MROH2B: variants seen among roughly 807,000 people sequenced by gnomAD.
The protein encoded by MROH2B is maestro heat like repeat family member 2B.
A neutral mutation model predicts 208.6 loss-of-function variants in MROH2B; 177 were observed. The ratio of observed to expected loss-of-function variants is 0.85; its 90% CI spans 0.75 to 0.96. The LOEUF (loss-of-function observed/expected upper bound fraction) is 0.96, where lower values mean the gene tolerates loss of function less well. Among genes scored for constraint, MROH2B ranks in the 40% least tolerant of loss-of-function variants. MROH2B has a pLI of 0.00. For missense variants in MROH2B, 2,002 were observed against 1,878.7 expected (o/e 1.07, Z -1.21); for synonymous variants, 728 against 659.0 (o/e 1.10, Z -1.60).
intron 24 of MROH2B, among the ~76,000 whole-genome samples, chr5:41,020,516 G>A (rs1424585283): frequency 6.6e-6 from 1 of 152,154 alleles, no homozygotes; most frequent in African/African-American, 2.4e-5. Flanking sequence ...CTGAAACTCT[G>A]TCAGGGGAGG....
intron 21 of MROH2B, among the ~76,000 whole-genome samples, chr5:41,038,244 GA>G (rs1423366140): frequency 6.6e-6 from 1 of 152,162 alleles, no homozygotes; most frequent in African/African-American, 2.4e-5. Context: ...TAACACTTCT[GA>G]TACTATTACA....
At chr5:41,017,778 A>G in intron 28 of MROH2B, 72 bp downstream of exon 28, 1 of 1,490,218 alleles carries the variant, frequency 6.7e-7, no homozygotes, top group Non-Finnish European at 9.0e-7. Context: ...ATAGGTGCAT[A>G]AGGAGAAAAG....
Position 41,052,493 on chromosome 5 carries a change from G to A in MROH2B, c.1202C>T (p.Ser401Phe), listed in dbSNP as rs1324722439. The A allele has an allele frequency of 3.7e-6, 6 of 1,612,724 alleles. No homozygotes were observed. Among genetic ancestry groups the A allele is most frequent in the African/African-American group, 1.3e-5 (1 of 74,810 alleles). Residue 401 changes from serine (S) to phenylalanine (F), a missense_variant, in exon 12 of 42, where the codon TCC (serine) becomes TTC (phenylalanine). Coordinates refer to ENST00000399564, the MANE Select transcript of MROH2B (RefSeq NM_173489.5). The stretch of plus-strand genomic sequence containing the variant: ...ATTCCTGTTCAACGTTGCAAACTGG[G>A]AGAAGACATAATCAATCAATGGCCA... ...EGWPLIDYVFSQFATLNRNLE... is the reference protein window; with the variant it reads ...EGWPLIDYVFFQFATLNRNLE...
chr5:41,052,459 G>A lies in MROH2B; in HGVS notation c.1230+6C>T. On this transcript the variant is annotated splice_donor_region_variant and intron_variant, in intron 12 of 41. Coordinates refer to ENST00000399564, the MANE Select transcript of MROH2B (RefSeq NM_173489.5). ...TGCATCACTCAAAACTGTAGCCTCT[G>A]CATACCAGATTCCTGTTCAACGTTG... 6.2e-7 allele frequency: 1 copy of A among 1,611,080 alleles called. No homozygotes were observed. Among genetic ancestry groups the A allele is most frequent in the Middle Eastern group, 1.7e-4 (1 of 6,050 alleles).
At chr5:41,057,247 T>C (rs1743485069) in intron 8 of MROH2B, 21 bp downstream of exon 8, 1 of 1,607,696 alleles carries the variant, frequency 6.2e-7, no homozygotes, top group African/African-American at 1.3e-5. Flanking sequence ...AAAATTGGAG[T>C]TGACAGCATG....
chr5:41,000,749 C>T lies in MROH2B; in HGVS notation c.4279G>A (p.Ala1427Thr), dbSNP rs1430968096. The change falls in exon 38 of 42, where the codon GCT becomes ACT. Residue 1427 changes from alanine (A) to threonine (T), a missense_variant. Coordinates refer to ENST00000399564, the MANE Select transcript of MROH2B (RefSeq NM_173489.5). ...ATCAGGCTCTTTTTTATTTCTTCAG[C>T]AAAAAAAATCTTCCACCTTCTTCCT... Reference protein sequence around the residue: ...LTGRRWKIFFAEEIKKSLISF... With the variant: ...LTGRRWKIFFTEEIKKSLISF... 6.2e-7 allele frequency: 1 copy of T among 1,609,968 alleles called. No homozygotes were observed. Among genetic ancestry groups the T allele is most frequent in the Non-Finnish European group, 8.5e-7 (1 of 1,178,446 alleles).
At position 41,070,834 on chromosome 5, in the gene MROH2B, C is replaced by A; in HGVS notation, c.19G>T (p.Glu7Ter). The change falls in exon 1 of 42, where the codon GAA (glutamate) becomes TAA (stop). Residue 7 changes from glutamate to a stop codon, truncating the protein, a stop_gained. Transcript: ENST00000399564. LOFTEE classifies it high-confidence loss of function. ...ATCTGATGATGCTTACCTATGGATT[C>A]CTCTGTACTAAGTGTCATGTCTTGG... MTLSTE[E>*]SIEMFGDINL... 6.2e-7 allele frequency: 1 copy of A among 1,611,050 alleles called. No homozygotes were observed. Among genetic ancestry groups the A allele is most frequent in the Non-Finnish European group, 8.5e-7 (1 of 1,178,524 alleles).
intron 24 of MROH2B, among the ~76,000 whole-genome samples, chr5:41,025,420 A>C (rs966528362): frequency 1.3e-5 from 2 of 152,218 alleles, no homozygotes; most frequent in African/African-American, 4.8e-5. Context: ...TACACAAATA[A>C]ACTAGAAGAT....
At chr5:41,018,493 C>A in intron 26 of MROH2B, 63 bp from the exon 27 acceptor site, 1 of 1,545,590 alleles carries the variant, frequency 6.5e-7, no homozygotes, top group Non-Finnish European at 8.8e-7. Context: ...GTTTCATATT[C>A]TCTTTTTCTG....
rs1214841744 is a variant in MROH2B, at chr5:41,038,657, A to G, written c.2214+79T>C. 11 of 1,406,714 alleles carry G rather than the reference A, an allele frequency of 7.8e-6. No homozygotes were observed. The South Asian group carries it at 1.8e-4, about 23-fold the overall frequency. The allele number at this position is 1,406,714 out of a possible 1,614,324, so 87.1% of individuals were successfully genotyped here. A position where few individuals can be genotyped will look rare whatever the true frequency, so the allele number is the denominator to read the frequency against. ...ACATACCCAAGTCTGGGAAGGAAAA[A>G]AGCTTCCCAGGGACTGAGCCCCTGC... On this transcript the variant is annotated intron_variant, in intron 21 of 41. Transcript: ENST00000399564.
At chr5:41,011,612 A>G (rs1741775945) in intron 30 of MROH2B, among the ~76,000 whole-genome samples, 1 of 152,186 alleles carries the variant, frequency 6.6e-6, no homozygotes, top group Admixed American at 6.5e-5. Flanking sequence ...TAGGGACAAG[A>G]ACTTCTTTCT....
chr5:41,007,198 CTA>C (rs1741623487), intron 34 of MROH2B, 114 bp downstream of exon 34: 3 of 1,023,152 alleles, frequency 2.9e-6, no homozygotes, highest in African/African-American at 3.3e-5. Context: ...CCTCCTTCGA[CTA>C]TTAGTCCTAA....
At chr5:41,014,959 G>T (rs751833938) in intron 29 of MROH2B, among the ~76,000 whole-genome samples, 4 of 152,180 alleles carry the variant, frequency 2.6e-5, no homozygotes, top group Non-Finnish European at 1.5e-5. Context: ...CATATGGTAG[G>T]TGCTCAGGAG....
At chr5:41,018,026 A>T (rs1742014043) in intron 27 of MROH2B, 56 bp from the exon 28 acceptor site, 5 of 1,539,486 alleles carry the variant, frequency 3.2e-6, no homozygotes, top group Non-Finnish European at 4.4e-6. Flanking sequence ...ATATCCCAGG[A>T]TGTTCCCAAC....
At chr5:41,043,434 G>A (rs1450023259) in intron 18 of MROH2B, among the ~76,000 whole-genome samples, 2 of 152,210 alleles carry the variant, frequency 1.3e-5, no homozygotes, top group Non-Finnish European at 2.9e-5. Flanking sequence ...CACCTTGGGG[G>A]AAAGACTGGA....
intron 3 of MROH2B, 43 bp from the exon 4 acceptor site, chr5:41,065,533 G>T (rs1743776501): frequency 1.9e-6 from 3 of 1,551,762 alleles, no homozygotes; most frequent in Non-Finnish European, 2.7e-6. Flanking sequence ...TAGAAAAGGG[G>T]CAGAGTGAGT....
chr5:41,067,750 C>T (rs1457947401), intron 2 of MROH2B, among the ~76,000 whole-genome samples: 2 of 152,170 alleles, frequency 1.3e-5, no homozygotes, highest in Non-Finnish European at 2.9e-5. Flanking sequence ...ACTATTTTAA[C>T]TTGGCTATAT....
chr5:41,023,641 T>C (rs546023628), intron 24 of MROH2B, among the ~76,000 whole-genome samples: 2 of 152,200 alleles, frequency 1.3e-5, no homozygotes, highest in East Asian at 3.9e-4. Context: ...ATCCCCAATC[T>C]AGCAAGGCAG....
At chr5:41,023,091 G>A (rs1742215004) in intron 24 of MROH2B, among the ~76,000 whole-genome samples, 1 of 152,182 alleles carries the variant, frequency 6.6e-6, no homozygotes, top group Non-Finnish European at 1.5e-5. Flanking sequence ...CAAAGATGGG[G>A]AGAAAATGGA....
Sources: gnomAD v4.1 joint callset for allele counts (sites outside exome capture counted in the v4.1 genomes callset) on GRCh38, gnomAD v4.1.1 for gene constraint, MANE v1.5 for transcripts, NCBI Gene and HGNC (gene_info 2026-07-23, HGNC 2026-07-21) for gene names.